FAM53B: variants seen among roughly 807,000 people sequenced by gnomAD.
The protein encoded by FAM53B is protein FAM53B.
A neutral mutation model predicts 32.7 loss-of-function variants in FAM53B; 12 were observed. That is an observed-to-expected ratio of 0.37 (90% confidence interval 0.24 to 0.59). FAM53B has a LOEUF of 0.59. FAM53B is among the 20% of genes least tolerant of loss of function. FAM53B has a pLI of 0.72. For synonymous variants in FAM53B, 234 were observed against 228.7 expected, an observed-to-expected ratio of 1.02 and a Z score of -0.21; for missense variants, 477 against 577.7, an observed-to-expected ratio of 0.83 and a Z score of 1.79.
intron 1 of FAM53B, among the ~76,000 whole-genome samples, chr10:124,717,046 G>C (rs1387292187): frequency 6.6e-6 from 1 of 152,134 alleles, no homozygotes; most frequent in African/African-American, 2.4e-5. Flanking sequence ...GGAAAAAAAA[G>C]ATTTAAAAAC....
At chr10:124,723,868 A>G (rs1950085791) in intron 1 of FAM53B, among the ~76,000 whole-genome samples, 1 of 152,224 alleles carries the variant, frequency 6.6e-6, no homozygotes, top group South Asian at 2.1e-4. Context: ...ACTTTTACTC[A>G]GAAACAAAAA....
intron 4 of FAM53B, among the ~76,000 whole-genome samples, chr10:124,669,893 CAGGGTGGGTAAGGACCAT>C: frequency 6.9e-6 from 1 of 145,928 alleles, no homozygotes; most frequent in African/African-American, 2.6e-5. Flanking sequence ...GTGAGGATTA[CAGGGTGGGTAAGGACCAT>C]AGGGTGGGTG....
At chr10:124,630,711 G>A (rs746407489) in intron 4 of FAM53B, among the ~76,000 whole-genome samples, 1 of 152,236 alleles carries the variant, frequency 6.6e-6, no homozygotes, top group Non-Finnish European at 1.5e-5. Context: ...AAATGGCCCA[G>A]TGGGGGTGGT....
At chr10:124,683,751 T>C (rs1161773545) in intron 3 of FAM53B, among the ~76,000 whole-genome samples, 1 of 152,194 alleles carries the variant, frequency 6.6e-6, no homozygotes, top group Non-Finnish European at 1.5e-5. Flanking sequence ...ACTCTGGCCC[T>C]GGCCCTAAGG....
At chr10:124,655,070 C>A (rs1949579663) in intron 4 of FAM53B, among the ~76,000 whole-genome samples, 1 of 152,182 alleles carries the variant, frequency 6.6e-6, no homozygotes, top group Non-Finnish European at 1.5e-5. Context: ...ATGATGGCAA[C>A]ACAGATTTGA....
intron 2 of FAM53B, among the ~76,000 whole-genome samples, chr10:124,698,331 G>A (rs907657742): frequency 2.0e-5 from 3 of 152,152 alleles, no homozygotes; most frequent in Non-Finnish European, 2.9e-5. Flanking sequence ...ATGCATGCAG[G>A]AGGGCTTGGG....
At chr10:124,632,475 G>A (rs1949397713) in intron 4 of FAM53B, among the ~76,000 whole-genome samples, 1 of 152,226 alleles carries the variant, frequency 6.6e-6, no homozygotes, top group African/African-American at 2.4e-5. Flanking sequence ...GAATAGAGTC[G>A]ACCAGCAGGG....
intron 4 of FAM53B, chr10:124,624,054 A>C (rs1024494514): frequency 1.2e-5 from 2 of 163,862 alleles, no homozygotes; most frequent in African/African-American, 4.8e-5. Context: ...TTAAATGGAA[A>C]AGAAGAGAGT....
At chr10:124,667,499 G>GCTGTGGCCTGGCACTCCAC in intron 4 of FAM53B, 1 of 722,210 alleles carries the variant, frequency 1.4e-6, no homozygotes, top group Non-Finnish European at 2.6e-6. Context: ...GCAGCCCACA[G>GCTGTGGCCTGGCACTCCAC]CTGTGGCCTG....
chr10:124,718,420 C>T (rs886430680), intron 1 of FAM53B, among the ~76,000 whole-genome samples: 1 of 152,212 alleles, frequency 6.6e-6, no homozygotes, highest in Non-Finnish European at 1.5e-5. Context: ...ACCCCCACAT[C>T]GCGCTGCAAG....
rs375416927 is a variant in FAM53B, at chr10:124,676,329, C to T, written c.906+5278G>A. Among the ~76,000 whole-genome samples the T allele has an allele frequency of 1.8e-4, 27 of 152,316 alleles. No homozygotes were observed. The East Asian group carries it at 3.7e-3, about 21-fold the overall frequency. The stretch of plus-strand genomic sequence containing the variant: ...ACCTCTGAATTCCTCTACTTGCCGT[C>T]AGCACAGCTTCCCACCCTGAGAGGA... On this transcript the variant is annotated intron_variant, in intron 4 of 4. Coordinates refer to ENST00000337318, the MANE Select transcript of FAM53B (RefSeq NM_014661.4).
At chr10:124,665,998 C>T (rs1364448542) in intron 4 of FAM53B, among the ~76,000 whole-genome samples, 4 of 152,224 alleles carry the variant, frequency 2.6e-5, no homozygotes, top group African/African-American at 9.6e-5. Flanking sequence ...CTTGTACACG[C>T]TAGTCTTCCC....
chr10:124,738,995 A>C (rs185010919), intron 1 of FAM53B, among the ~76,000 whole-genome samples: 1 of 151,720 alleles, frequency 6.6e-6, no homozygotes, highest in East Asian at 1.9e-4. Flanking sequence ...TATGGCACTC[A>C]CTGCCTTTGG....
chr10:124,680,801 G>A (rs930744797), intron 4 of FAM53B, among the ~76,000 whole-genome samples: 1 of 152,190 alleles, frequency 6.6e-6, no homozygotes, highest in Non-Finnish European at 1.5e-5. Context: ...AACCAACAGT[G>A]TTGTGTCCCA....
Position 124,706,694 on chromosome 10 carries a change from T to C in FAM53B, c.20A>G (p.Glu7Gly), listed in dbSNP as rs2134085767. The change falls in exon 2 of 5, where the codon GAA becomes GGA. Residue 7 changes from glutamate (E) to glycine (G), a missense_variant. Glu to Gly is a moderately conservative substitution (Grantham distance 98). Coordinates refer to ENST00000337318, the MANE Select transcript of FAM53B (RefSeq NM_014661.4). ...GTCAGCTCCCCGGGTGCTGAGGCTT[T>C]CACTTAGGACCATCACCATGATAAG... MVMVLSESLSTRGADSI... is the reference protein window; with the variant it reads MVMVLSGSLSTRGADSI... The C allele has an allele frequency of 3.1e-6, 5 of 1,614,158 alleles. No homozygotes were observed. In the South Asian group the frequency reaches 4.4e-5, roughly 14 times the overall value.
intron 1 of FAM53B, among the ~76,000 whole-genome samples, chr10:124,707,246 A>T (rs559856184): frequency 1.3e-5 from 2 of 152,318 alleles, no homozygotes; most frequent in South Asian, 4.1e-4. Context: ...CTGGCTCTAC[A>T]GGCAGCTTCA....
chr10:124,658,348 A>T (rs1322934689), intron 4 of FAM53B, among the ~76,000 whole-genome samples: 1 of 152,190 alleles, frequency 6.6e-6, no homozygotes, highest in Non-Finnish European at 1.5e-5. Flanking sequence ...GTCCCAGGCT[A>T]TGGACCTCTG....
chr10:124,631,074 G>A (rs1183006493), intron 4 of FAM53B, among the ~76,000 whole-genome samples: 1 of 152,194 alleles, frequency 6.6e-6, no homozygotes, highest in Admixed American at 6.5e-5. Flanking sequence ...GAGTCACTTC[G>A]GGAAGGGTGG....
intron 2 of FAM53B, among the ~76,000 whole-genome samples, chr10:124,696,471 C>T (rs1480226142): frequency 6.6e-6 from 1 of 152,228 alleles, no homozygotes; most frequent in Admixed American, 6.5e-5. Flanking sequence ...CCCACGACTT[C>T]TGACACGAGG....
Sources: allele counts gnomAD v4.1 joint callset (sites outside exome capture counted in the v4.1 genomes callset), GRCh38; gene constraint gnomAD v4.1.1; transcripts MANE v1.5; gene names NCBI Gene and HGNC (gene_info 2026-07-23, HGNC 2026-07-21).